CHST11: variants seen among roughly 807,000 people sequenced by gnomAD.
CHST11 encodes the protein carbohydrate sulfotransferase 11.
A neutral mutation model predicts 30.4 loss-of-function variants in CHST11; 9 were observed. The ratio of observed to expected loss-of-function variants is 0.30; its 90% CI spans 0.18 to 0.52. The LOEUF (loss-of-function observed/expected upper bound fraction) is 0.52. Ranked by LOEUF, CHST11 falls within the 20% of genes least tolerant of loss-of-function variation. The probability of loss-of-function intolerance (pLI) is 0.97; values close to 1 mark genes in which losing one functional copy is unlikely to be tolerated. For missense variants in CHST11, 348 were observed against 460.6 expected (o/e 0.76, Z 2.24); for synonymous variants, 152 against 187.8 (o/e 0.81, Z 1.56).
chr12:104,466,162 A>G (rs931318473), intron 1 of CHST11, among the ~76,000 whole-genome samples: 2 of 152,134 alleles, frequency 1.3e-5, no homozygotes, highest in African/African-American at 4.8e-5. Flanking sequence ...GTCCAGCACC[A>G]GTCTAGGTAT....
intron 1 of CHST11, among the ~76,000 whole-genome samples, chr12:104,500,667 C>T (rs2037844959): frequency 6.6e-6 from 1 of 152,110 alleles, no homozygotes; most frequent in African/African-American, 2.4e-5. Context: ...ATGTTTTTCC[C>T]CACAAAGTCT....
intron 1 of CHST11, among the ~76,000 whole-genome samples, chr12:104,521,268 C>T (rs2135988204): frequency 6.6e-6 from 1 of 152,270 alleles, no homozygotes; most frequent in South Asian, 2.1e-4. Flanking sequence ...TCCTTATCTG[C>T]ATGCTTTTCT....
rs111494261 is a variant in CHST11, at chr12:104,700,684, A to C, written c.205-56265A>C. ...TCATATTGCTATTGATTGCTGTTTC[A>C]AAAACTTTTTCTTTTTGGCACCTAC... On this transcript the variant is annotated intron_variant, in intron 2 of 2. Coordinates refer to ENST00000303694, the MANE Select transcript of CHST11 (RefSeq NM_018413.6). Among the ~76,000 whole-genome samples, 649 of 152,352 alleles carry C rather than the reference A, an allele frequency of 4.3e-3. 8 individuals carry two copies. The highest frequency in any genetic ancestry group is 0.015 in the African/African-American group (605 of 41,586).
chr12:104,475,166 G>A (rs1379434970), intron 1 of CHST11, among the ~76,000 whole-genome samples: 1 of 152,134 alleles, frequency 6.6e-6, no homozygotes, highest in African/African-American at 2.4e-5. Context: ...CATGCAGTAT[G>A]AACTGTCTGA....
intron 1 of CHST11, among the ~76,000 whole-genome samples, chr12:104,534,529 C>T (rs1396991517): frequency 6.6e-6 from 1 of 152,206 alleles, no homozygotes; most frequent in East Asian, 1.9e-4. Flanking sequence ...CTTTTGAATT[C>T]GTTCTTATCA....
At chr12:104,563,783 T>C (rs1263402735) in intron 1 of CHST11, among the ~76,000 whole-genome samples, 4 of 151,138 alleles carry the variant, frequency 2.6e-5, no homozygotes, top group Admixed American at 6.6e-5. Flanking sequence ...CTTGGTGGTT[T>C]TCAGCGCACA....
intron 1 of CHST11, among the ~76,000 whole-genome samples, chr12:104,539,068 G>T (rs2038264530): frequency 6.6e-6 from 1 of 152,222 alleles, no homozygotes; most frequent in Non-Finnish European, 1.5e-5. Flanking sequence ...CTGGCAAATT[G>T]CAGAGCTGGG....
intron 2 of CHST11, among the ~76,000 whole-genome samples, chr12:104,696,028 G>A (rs1463391911): frequency 1.3e-5 from 2 of 152,144 alleles, no homozygotes; most frequent in Non-Finnish European, 2.9e-5. Flanking sequence ...TGTTTATTTT[G>A]CCTTTGCTGA....
At chr12:104,732,255 A>G (rs17036293) in intron 2 of CHST11, among the ~76,000 whole-genome samples, 1,947 of 152,194 alleles carry the variant, frequency 0.013, 23 homozygotes, top group East Asian at 0.061. Flanking sequence ...CTGTTCGCCT[A>G]TGTGCCATAA....
At chr12:104,756,530 G>GA in intron 2 of CHST11, among the ~76,000 whole-genome samples, 1 of 45,120 alleles carries the variant, frequency 2.2e-5, no homozygotes, top group East Asian at 7.1e-4. Context: ...GGATCCATGT[G>GA]GGGTGTGTGT....
At chr12:104,687,278 G>C (rs558989930) in intron 2 of CHST11, among the ~76,000 whole-genome samples, 13 of 152,316 alleles carry the variant, frequency 8.5e-5, no homozygotes, top group African/African-American at 3.1e-4. Context: ...TCAAGCCAAG[G>C]GTTGTTGACT....
intron 2 of CHST11, among the ~76,000 whole-genome samples, chr12:104,723,474 C>G (rs1232080775): frequency 6.6e-6 from 1 of 152,242 alleles, no homozygotes; most frequent in East Asian, 1.9e-4. Flanking sequence ...TTGCGCTCCC[C>G]TTTCCCGACA....
chr12:104,723,299 C>T (rs1342991084), intron 2 of CHST11, among the ~76,000 whole-genome samples: 1 of 152,194 alleles, frequency 6.6e-6, no homozygotes, highest in Admixed American at 6.5e-5. Flanking sequence ...AGAGAGGCTG[C>T]CGACTTGCCC....
At chr12:104,743,837 A>G (rs908550108) in intron 2 of CHST11, among the ~76,000 whole-genome samples, 11 of 152,008 alleles carry the variant, frequency 7.2e-5, no homozygotes, top group African/African-American at 2.7e-4. Context: ...TTTAGCTCCC[A>G]CTTATAAGTG....
At chr12:104,641,228 C>T (rs1481817129) in intron 2 of CHST11, among the ~76,000 whole-genome samples, 3 of 152,188 alleles carry the variant, frequency 2.0e-5, no homozygotes, top group Non-Finnish European at 4.4e-5. Context: ...CCTCATTCCT[C>T]CTGGATGCCA....
At chr12:104,503,893 G>A (rs2135976435) in intron 1 of CHST11, among the ~76,000 whole-genome samples, 1 of 152,234 alleles carries the variant, frequency 6.6e-6, no homozygotes, top group South Asian at 2.1e-4. Flanking sequence ...AATTTTGTGT[G>A]GAGAGGAAAA....
At chr12:104,611,225 C>T (rs2039056920) in intron 2 of CHST11, among the ~76,000 whole-genome samples, 1 of 143,908 alleles carries the variant, frequency 6.9e-6, no homozygotes, top group African/African-American at 2.4e-5. Context: ...CATATTTAGT[C>T]AATAAAAAAT....
At chr12:104,710,843 G>T (rs2040081431) in intron 2 of CHST11, among the ~76,000 whole-genome samples, 1 of 152,132 alleles carries the variant, frequency 6.6e-6, no homozygotes, top group South Asian at 2.1e-4. Flanking sequence ...CATCTCTCCA[G>T]CAAACTTCTC....
chr12:104,630,088 G>A (rs1301801804), intron 2 of CHST11, among the ~76,000 whole-genome samples: 4 of 152,134 alleles, frequency 2.6e-5, no homozygotes, highest in Non-Finnish European at 4.4e-5. Flanking sequence ...TGATTAATAC[G>A]TAACTCACTT....
Sources: gnomAD v4.1 joint callset for allele counts (sites outside exome capture counted in the v4.1 genomes callset) on GRCh38, gnomAD v4.1.1 for gene constraint, MANE v1.5 for transcripts, NCBI Gene and HGNC (gene_info 2026-07-23, HGNC 2026-07-21) for gene names.